Variants in NLRP12 observed in about 807,000 individuals in gnomAD.
NLRP12 encodes NACHT, LRR and PYD domains-containing protein 12.
NLRP12 carries 108 observed loss-of-function variants against 91.2 expected under a neutral mutation model. The observed-to-expected ratio is 1.18, with a 90% CI of 1.01 to 1.39. The LOEUF (loss-of-function observed/expected upper bound fraction) is 1.39. NLRP12 is among the 40% of genes most tolerant of loss of function. NLRP12 has a pLI of 0.00. For synonymous variants in NLRP12, 613 were observed against 566.7 expected (o/e 1.08, Z -1.16); for missense variants, 1,530 against 1,352.7 (o/e 1.13, Z -2.06).
At chr19:53,817,736 CAAAGAAAA>C (rs1310860773) in intron 1 of NLRP12, among the ~76,000 whole-genome samples, 3 of 151,510 alleles carry the variant, frequency 2.0e-5, no homozygotes, top group South Asian at 2.1e-4. Context: ...AATTCCATCT[CAAAGAAAA>C]AAAGAAAAAG....
chr19:53,818,724 C>A (rs1401947505), intron 1 of NLRP12, among the ~76,000 whole-genome samples: 1 of 151,984 alleles, frequency 6.6e-6, no homozygotes, highest in Non-Finnish European at 1.5e-5. Context: ...CTGAAAAAGG[C>A]CTCAGAGATG....
rs774279512 is a variant in NLRP12 at position 53,811,321 on chromosome 19, C to T, written c.371-33G>A. Reference sequence around the variant, plus strand: ...AGAGGAATGAAGGTTTTGTGGAAGACTCATCAGCAGCCTCTAATGAGTTCA... The same window carrying T: ...AGAGGAATGAAGGTTTTGTGGAAGATTCATCAGCAGCCTCTAATGAGTTCA... On this transcript the variant is annotated intron_variant, in intron 2 of 9. Coordinates refer to ENST00000324134, the MANE Select transcript of NLRP12 (RefSeq NM_144687.4). 2.5e-6 allele frequency: 4 copies of T among 1,612,808 alleles called. No individual in the cohort carries two copies. In the Admixed American group the frequency reaches 6.7e-5, roughly 27 times the overall value.
intron 1 of NLRP12, among the ~76,000 whole-genome samples, chr19:53,823,452 A>ATATATTTTAAAAT (rs1249361468): frequency 7.6e-4 from 17 of 22,426 alleles, no homozygotes; most frequent in Middle Eastern, 0.02. Context: ...TGTTTTAAAT[A>ATATATTTTAAAAT]TATATTTTAA....
intron 6 of NLRP12, among the ~76,000 whole-genome samples, chr19:53,802,526 T>C (rs886084557): frequency 2.0e-5 from 3 of 151,626 alleles, no homozygotes; most frequent in Non-Finnish European, 2.9e-5. Context: ...GCTAACACGG[T>C]GAAACCCCGT....
rs760773785 is a variant in NLRP12 at position 53,809,933 on chromosome 19, C to T, written c.1726G>A (p.Glu576Lys). Residue 576 changes from glutamate to lysine, a missense_variant, in exon 3 of 10, where the codon GAG becomes AAG. Coordinates refer to ENST00000324134, the MANE Select transcript of NLRP12 (RefSeq NM_144687.4). ...LLNEETRSHLEKSLCWKVSPH... is the reference protein window; with the variant it reads ...LLNEETRSHLKKSLCWKVSPH... Reference sequence around the variant, plus strand: ...GAGACCTTCCAGCAGAGACTCTTCTCCAGGTGGCTCCTGGTCTCCTCGTTC... The same window carrying T: ...GAGACCTTCCAGCAGAGACTCTTCTTCAGGTGGCTCCTGGTCTCCTCGTTC... The T allele has an allele frequency of 6.2e-7, 1 of 1,614,124 alleles. No individual in the cohort carries two copies. Among genetic ancestry groups the T allele is most frequent in the South Asian group, 1.1e-5 (1 of 91,090 alleles).
At chr19:53,799,772 C>T (rs535825752) in intron 7 of NLRP12, among the ~76,000 whole-genome samples, 8 of 152,158 alleles carry the variant, frequency 5.3e-5, no homozygotes, top group African/African-American at 1.7e-4. Context: ...TGTGAGCCAC[C>T]GCATCCTGCC....
At position 53,810,706 on chromosome 19, in the gene NLRP12, C is replaced by T. The variant is rs1361737454; in HGVS notation, c.953G>A (p.Arg318Gln). 1.9e-6 allele frequency: 3 copies of T among 1,613,848 alleles called. No individual in the cohort carries two copies. The highest frequency in any genetic ancestry group is 1.3e-5 in the African/African-American group (1 of 74,894). The change falls in exon 3 of 10, where the codon CGG becomes CAG. Residue 318 changes from arginine (R) to glutamine (Q), a missense_variant. Transcript: ENST00000324134. ...GPWCLCWEEK[R>Q]PTELLLNSLI... ...GCTGTTAAGAAGCAGCTCCGTGGGC[C>T]GTTTCTCCTCCCAGCAGAGGCACCA...
chr19:53,814,946 GTT>G lies in NLRP12; in HGVS notation c.330_331del (p.Thr111MetfsTer81). ...GACAAGAGAGACTTCCAGAAGGCAT[GTT>G]GACTGGTTCCCAAGTGAGGACGGGC... On this transcript the variant is annotated frameshift_variant, in exon 2 of 10. Transcript: ENST00000324134. LOFTEE classifies it high-confidence loss of function. 1 of 1,614,074 alleles carries G rather than the reference GTT, an allele frequency of 6.2e-7. No homozygotes were observed. Among genetic ancestry groups the G allele is most frequent in the Non-Finnish European group, 8.5e-7 (1 of 1,179,988 alleles).
intron 1 of NLRP12, among the ~76,000 whole-genome samples, chr19:53,821,031 CTTTTTTTTTTTTT>C (rs1158419664): frequency 1.2e-5 from 1 of 81,284 alleles, no homozygotes; most frequent in East Asian, 3.5e-4. Flanking sequence ...CATATTTTTT[CTTTTTTTTTTTTT>C]TTTTTTTTTG....
At chr19:53,808,333 A>C (rs2091996287) in intron 3 of NLRP12, 1 of 169,442 alleles carries the variant, frequency 5.9e-6, no homozygotes, top group Non-Finnish European at 1.3e-5. Flanking sequence ...TTCCCTCTTT[A>C]TTATCTGTCT....
At chr19:53,815,095 G>A (rs772090051) in intron 1 of NLRP12, 107 bp from the exon 2 acceptor site, 53 of 845,336 alleles carry the variant, frequency 6.3e-5, no homozygotes, top group Middle Eastern at 3.3e-4. Flanking sequence ...CTGGTCACCC[G>A]CACCCCAGAA....
At chr19:53,815,671 C>A (rs2092147247) in intron 1 of NLRP12, among the ~76,000 whole-genome samples, 1 of 151,810 alleles carries the variant, frequency 6.6e-6, no homozygotes, top group South Asian at 2.1e-4. Context: ...TGCAGTGGCA[C>A]AATCTTGGCT....
intron 6 of NLRP12, among the ~76,000 whole-genome samples, chr19:53,802,495 CAGG>C (rs2091891404): frequency 6.6e-6 from 1 of 151,602 alleles, no homozygotes; most frequent in South Asian, 2.1e-4. Context: ...GTCACGAGGT[CAGG>C]AGATCGAGAC....
chr19:53,810,381 C>G lies in NLRP12; in HGVS notation c.1278G>C (p.Gln426His), dbSNP rs1016545001. The G allele has an allele frequency of 2.5e-6, 4 of 1,613,566 alleles. No homozygotes were observed. In the African/African-American group the frequency reaches 5.3e-5, roughly 22 times the overall value. The change falls in exon 3 of 10, where the codon CAG (glutamine) becomes CAC (histidine). Residue 426 changes from glutamine to histidine, a missense_variant. By Grantham distance (24) the Gln-to-His change is conservative. Coordinates refer to ENST00000324134, the MANE Select transcript of NLRP12 (RefSeq NM_144687.4). ...QQLEGGGLLR[Q>H]TSRTTTAVYM... ...ACACTGCAGTGGTGGTCCTGGACGT[C>G]TGTCTCAACAGCCCCCCACCCTCCA...
chr19:53,796,943 GATCGTGCCACTGCA>G (rs1325557084), intron 8 of NLRP12, among the ~76,000 whole-genome samples: 1 of 143,922 alleles, frequency 6.9e-6, no homozygotes, highest in African/African-American at 2.6e-5. Context: ...AGTGAGCCAA[GATCGTGCCACTGCA>G]CTCCAGGGTG....
intron 8 of NLRP12, among the ~76,000 whole-genome samples, chr19:53,796,672 C>T (rs999440733): frequency 6.6e-6 from 1 of 151,982 alleles, no homozygotes; most frequent in Non-Finnish European, 1.5e-5. Flanking sequence ...GCGTGAGCCA[C>T]TACGCCCAGC....
Position 53,823,962 on chromosome 19 carries a change from C to T in NLRP12, c.213G>A (p.Arg71=), listed in dbSNP as rs2122811568. The T allele has an allele frequency of 6.2e-7, 1 of 1,614,152 alleles. No individual in the cohort carries two copies. Among genetic ancestry groups the T allele is most frequent in the Non-Finnish European group, 8.5e-7 (1 of 1,180,034 alleles). ...TCCGCTCAAAGGTGCTGAGAGCCAA[C>T]CTCCAGGCCTCCTCTGGCCCGAAGT... ...ITHFGPEEAW[R]LALSTFERIN... is the part of the protein sequence containing the mutation. Residue 71 remains arginine, a synonymous_variant, in exon 1 of 10, where the codon AGG becomes AGA. Coordinates refer to ENST00000324134, the MANE Select transcript of NLRP12 (RefSeq NM_144687.4).
At position 53,795,413 on chromosome 19, in the gene NLRP12, C is replaced by CT. The variant is rs1224530259; in HGVS notation, c.3098+445_3098+446insA. 1.1e-4 allele frequency among the ~76,000 whole-genome samples: 17 copies of CT among 151,096 alleles called. No homozygotes were observed. In the East Asian group the frequency reaches 3.1e-3, roughly 28 times the overall value. ...TTTTTGAGATGGAGTCTCACTCTGT[C>CT]ACCCAGGCTGGAGTGCAGTGGTGTG... On this transcript the variant is annotated intron_variant, in intron 9 of 9. Transcript: ENST00000324134.
chr19:53,823,430 A>ATATAT (rs1568702708), intron 1 of NLRP12, among the ~76,000 whole-genome samples: 67 of 69,658 alleles, frequency 9.6e-4, no homozygotes, highest in African/African-American at 3.5e-3. Flanking sequence ...AAATATATAT[A>ATATAT]TTTAAAATAT....
Sources: allele counts gnomAD v4.1 joint callset (sites outside exome capture counted in the v4.1 genomes callset), GRCh38; gene constraint gnomAD v4.1.1; transcripts MANE v1.5; gene names NCBI Gene and HGNC (gene_info 2026-07-23, HGNC 2026-07-21).